TMEM132D: variants seen among roughly 807,000 people sequenced by gnomAD.
The protein encoded by TMEM132D is mature OL transmembrane protein.
A neutral mutation model predicts 62.3 loss-of-function variants in TMEM132D; 21 were observed. The ratio of observed to expected loss-of-function variants is 0.34; its 90% CI spans 0.24 to 0.49. The LOEUF is 0.49. Ranked by LOEUF, TMEM132D falls within the 20% of genes least tolerant of loss-of-function variation. The pLI is 0.99. For missense variants in TMEM132D, 1,346 were observed against 1,402.8 expected (o/e 0.96, Z 0.65); for synonymous variants, 621 against 575.6 (o/e 1.08, Z -1.13).
intron 4 of TMEM132D, among the ~76,000 whole-genome samples, chr12:129,303,003 T>G (rs890906324): frequency 3.9e-5 from 6 of 152,116 alleles, no homozygotes; most frequent in African/African-American, 1.2e-4. Context: ...ACCAATGTCT[T>G]CTACTCCACT....
intron 2 of TMEM132D, among the ~76,000 whole-genome samples, chr12:129,641,566 T>C (rs1048765363): frequency 5.9e-5 from 9 of 152,202 alleles, no homozygotes; most frequent in East Asian, 1.9e-4. Flanking sequence ...ACAAATTTCA[T>C]GTCATTTCCA....
At chr12:129,792,549 A>C (rs1025956193) in intron 1 of TMEM132D, among the ~76,000 whole-genome samples, 3 of 152,186 alleles carry the variant, frequency 2.0e-5, no homozygotes, top group African/African-American at 7.2e-5. Flanking sequence ...CGCTGTGCTG[A>C]GCATGGGAAA....
chr12:129,649,339 A>G (rs1879863984), intron 2 of TMEM132D, among the ~76,000 whole-genome samples: 6 of 152,124 alleles, frequency 3.9e-5, no homozygotes, highest in Admixed American at 3.9e-4. Flanking sequence ...AAAACTTGGA[A>G]TTGCTTTAAT....
chr12:129,616,680 G>A (rs1193287288), intron 2 of TMEM132D, among the ~76,000 whole-genome samples: 1 of 152,196 alleles, frequency 6.6e-6, no homozygotes, highest in African/African-American at 2.4e-5. Context: ...GCCATGTGAA[G>A]AAGGACGTGT....
At position 129,763,543 on chromosome 12, in the gene TMEM132D, T is replaced by C. The variant is rs1457464784; in HGVS notation, c.80-62845A>G. Among the ~76,000 whole-genome samples, 4 of 151,836 alleles carry C rather than the reference T, an allele frequency of 2.6e-5. No homozygotes were observed. The East Asian group carries it at 5.8e-4, about 22-fold the overall frequency. ...AAGGCCTACCTGTCCGCATACCAGC[T>C]TGCTTCACTCCATGGGTAACTGGTC... On this transcript the variant is annotated intron_variant, in intron 1 of 8. Transcript: ENST00000422113.
At chr12:129,585,815 ATGTGTGTGTGTG>A (rs34364323) in intron 2 of TMEM132D, among the ~76,000 whole-genome samples, 1 of 147,640 alleles carries the variant, frequency 6.8e-6, no homozygotes, top group African/African-American at 2.5e-5. Flanking sequence ...ATATGCATGC[ATGTGTGTGTGTG>A]TGTGTGTGTG....
chr12:129,623,179 C>T (rs1409698913), intron 2 of TMEM132D, among the ~76,000 whole-genome samples: 2 of 152,208 alleles, frequency 1.3e-5, no homozygotes, highest in Non-Finnish European at 2.9e-5. Flanking sequence ...TGAGTTTTCT[C>T]TCACAGATAA....
At chr12:129,385,198 C>T (rs1415247368) in intron 3 of TMEM132D, among the ~76,000 whole-genome samples, 2 of 149,052 alleles carry the variant, frequency 1.3e-5, no homozygotes, top group East Asian at 2.0e-4. Context: ...TTCCGCCTCC[C>T]GGGTTCAAGC....
intron 5 of TMEM132D, among the ~76,000 whole-genome samples, chr12:129,138,269 A>AT (rs1876644291): frequency 6.6e-6 from 1 of 152,226 alleles, no homozygotes; most frequent in Non-Finnish European, 1.5e-5. Context: ...GTAATTTCAG[A>AT]TTTTTAAATG....
intron 2 of TMEM132D, among the ~76,000 whole-genome samples, chr12:129,554,574 T>C (rs1301430798): frequency 1.3e-5 from 2 of 152,180 alleles, no homozygotes; most frequent in Non-Finnish European, 2.9e-5. Flanking sequence ...TCTTCCTTCT[T>C]TAGACAACCC....
chr12:129,307,261 C>A lies in TMEM132D; in HGVS notation c.1299+30373G>T, dbSNP rs1881867450. 2.0e-5 allele frequency among the ~76,000 whole-genome samples: 3 copies of A among 152,140 alleles called. No homozygotes were observed. The South Asian group carries it at 6.2e-4, about 32-fold the overall frequency. On this transcript the variant is annotated intron_variant, in intron 4 of 8. Transcript: ENST00000422113. ...ACCCTATGAAAAGAGTATAATCCAA[C>A]CAAGTGACAGTGACTGGGAAACACC...
chr12:129,874,376 C>G (rs1874345769), intron 1 of TMEM132D, among the ~76,000 whole-genome samples: 1 of 151,916 alleles, frequency 6.6e-6, no homozygotes, highest in Admixed American at 6.6e-5. Flanking sequence ...TACCACTGCA[C>G]TTCAGCCTGG....
At chr12:129,461,445 G>C (rs1411004895) in intron 3 of TMEM132D, among the ~76,000 whole-genome samples, 1 of 152,140 alleles carries the variant, frequency 6.6e-6, no homozygotes, top group East Asian at 1.9e-4. Context: ...TTAGTTTGTA[G>C]AAAGATGAAG....
At chr12:129,320,970 C>G (rs773587707) in intron 4 of TMEM132D, among the ~76,000 whole-genome samples, 2 of 152,104 alleles carry the variant, frequency 1.3e-5, no homozygotes, top group African/African-American at 2.4e-5. Flanking sequence ...ACAAATCTAT[C>G]TATCTACCTA....
chr12:129,219,002 G>C (rs962450409), intron 4 of TMEM132D, among the ~76,000 whole-genome samples: 1 of 152,138 alleles, frequency 6.6e-6, no homozygotes, highest in Non-Finnish European at 1.5e-5. Context: ...AGGTTTCCCC[G>C]GGTGTGTAAA....
At chr12:129,121,445 G>A (rs1876059464) in intron 5 of TMEM132D, among the ~76,000 whole-genome samples, 1 of 152,114 alleles carries the variant, frequency 6.6e-6, no homozygotes, top group Non-Finnish European at 1.5e-5. Context: ...AATTATCCAG[G>A]TGGAACCCAG....
In TMEM132D at chr12:129,078,537, T is replaced by C. The variant is rs755402986; in HGVS notation, c.2112A>G (p.Lys704=). ...AVAQELLQRP[K]QEAAISCWVQ... ...TGTCTCAAGCCCTCCTCCATACCTG[T>C]TTTGGCCTCTGCAGAAGTTCCTGAG... is the stretch of plus-strand genomic sequence containing the variant. Residue 704 remains lysine, a synonymous_variant, in exon 8 of 9, where the codon AAA becomes AAG. Coordinates refer to ENST00000422113, the MANE Select transcript of TMEM132D (RefSeq NM_133448.3). The C allele has an allele frequency of 6.2e-7, 1 of 1,613,224 alleles. No individual in the cohort carries two copies. The highest frequency in any genetic ancestry group is 1.1e-5 in the South Asian group (1 of 91,036).
intron 2 of TMEM132D, among the ~76,000 whole-genome samples, chr12:129,642,456 C>G (rs779535819): frequency 6.6e-6 from 1 of 152,148 alleles, no homozygotes; most frequent in Non-Finnish European, 1.5e-5. Context: ...AAACTCTCTC[C>G]TGCCACCCTG....
At chr12:129,590,023 T>C (rs1164457172) in intron 2 of TMEM132D, among the ~76,000 whole-genome samples, 1 of 152,236 alleles carries the variant, frequency 6.6e-6, no homozygotes, top group Non-Finnish European at 1.5e-5. Context: ...CTCTTTTAGT[T>C]ACCACTTAGC....
Sources: gnomAD v4.1 joint callset for allele counts (sites outside exome capture counted in the v4.1 genomes callset) on GRCh38, gnomAD v4.1.1 for gene constraint, MANE v1.5 for transcripts, NCBI Gene and HGNC (gene_info 2026-07-23, HGNC 2026-07-21) for gene names.